The following CABLES2 variants were observed in gnomAD, a reference collection of about 807,000 sequenced individuals.
CABLES2 encodes the protein CDK5 and ABL1 enzyme substrate 2.
Under a neutral mutation model 44.8 loss-of-function variants are expected in CABLES2, and 35 were observed. That is an observed-to-expected ratio of 0.78 (90% CI 0.60 to 1.04). The LOEUF is 1.04. CABLES2 is among the 50% of genes least tolerant of loss of function. The pLI is 0.00. For missense variants in CABLES2, 566 were observed against 615.7 expected, an observed-to-expected ratio of 0.92 and a Z score of 0.85; for synonymous variants, 282 against 281.1, an observed-to-expected ratio of 1.00 and a Z score of -0.03.
chr20:62,392,803 C>T, intron 7 of CABLES2, 117 bp downstream of exon 7: 1 of 903,036 alleles, frequency 1.1e-6, no homozygotes, highest in Non-Finnish European at 1.8e-6. Flanking sequence ...CTGCTGCGAT[C>T]CGGGATGGGG....
In CABLES2 at chr20:62,392,489, C is replaced by T. The variant is rs770984242; in HGVS notation, c.991G>A (p.Val331Met). ...VLIFASYMTT[V>M]IEYVKPSDLK... ...TCTGAGGGCTTCACGTATTCTATCACTGTGGTCTGCAACAGAGAGTGGGCA... is the reference window on the plus strand; with the variant it reads ...TCTGAGGGCTTCACGTATTCTATCATTGTGGTCTGCAACAGAGAGTGGGCA... Residue 331 changes from valine to methionine, a missense_variant, in exon 8 of 10, where the codon GTG (valine) becomes ATG (methionine). Val to Met is a conservative substitution (Grantham distance 21, BLOSUM62 1). Coordinates refer to ENST00000279101, the MANE Select transcript of CABLES2 (RefSeq NM_031215.3). 21 of 1,613,444 alleles carry T rather than the reference C, an allele frequency of 1.3e-5. No homozygotes were observed. In the East Asian group the frequency reaches 4.5e-4, roughly 34 times the overall value.
At position 62,395,058 on chromosome 20, in the gene CABLES2, G is replaced by A. The variant is rs113051244; in HGVS notation, c.528-44C>T. ...AGGGGAGACGGGGCCGGGGAGCGGGGCTCAAGGTACTGCTGCTTCCAGAGC... is the reference window on the plus strand; with the variant it reads ...AGGGGAGACGGGGCCGGGGAGCGGGACTCAAGGTACTGCTGCTTCCAGAGC... On this transcript the variant is annotated intron_variant, in intron 3 of 9. Transcript: ENST00000279101. The A allele has an allele frequency of 1.8e-4, 269 of 1,454,090 alleles. 1 individual carries two copies. The African/African-American group carries it at 3.4e-3, about 18-fold the overall frequency. The allele number at this position is 1,454,090 out of a possible 1,614,324, so 90.1% of individuals were successfully genotyped here. A position where few individuals can be genotyped will look rare whatever the true frequency, so the allele number is the denominator to read the frequency against.
At chr20:62,394,335 G>A in intron 4 of CABLES2, 70 bp from the exon 5 acceptor site, 1 of 1,280,678 alleles carries the variant, frequency 7.8e-7, no homozygotes, top group Non-Finnish European at 1.1e-6. Context: ...CAGCCCACCT[G>A]TCCGCTGGCC....
In CABLES2 at chr20:62,407,255, C is replaced by T. The variant is rs1013772123; in HGVS notation, c.22G>A (p.Gly8Arg). 18 of 673,442 alleles carry T rather than the reference C, an allele frequency of 2.7e-5. No homozygotes were observed. In the Admixed American group the frequency reaches 7.2e-4, roughly 27 times the overall value. 41.7% of individuals were successfully genotyped at this position (673,442 alleles called of 1,614,324 possible). A position where few individuals can be genotyped will look rare whatever the true frequency, so the allele number is the denominator to read the frequency against. MAAAAAG[G>R]APGPAPGPAG... ...GGGCCGGGGGCCGGGCCCGGGGCTC[C>T]ACCGGCCGCGGCCGCGGCCATCCTC... Residue 8 changes from glycine to arginine, a missense_variant, in exon 1 of 10, where the codon GGA (glycine) becomes AGA (arginine). Gly to Arg is a moderately radical substitution (Grantham distance 125). This residue lies in a region of CABLES2 where 130 missense variants were observed against 79.4 expected (regional missense o/e 1.64). Transcript: ENST00000279101.
At chr20:62,400,628 G>A (rs982682618) in intron 1 of CABLES2, among the ~76,000 whole-genome samples, 7 of 152,206 alleles carry the variant, frequency 4.6e-5, no homozygotes, top group African/African-American at 1.7e-4. Context: ...ATTACCAGGG[G>A]ATGCCTGGGT....
intron 1 of CABLES2, among the ~76,000 whole-genome samples, chr20:62,401,475 G>A (rs912000966): frequency 1.4e-4 from 21 of 152,230 alleles, no homozygotes; most frequent in African/African-American, 5.1e-4. Flanking sequence ...TGGTGCCTCT[G>A]GAGGATGGGC....
chr20:62,394,905 C>T, intron 4 of CABLES2, 32 bp downstream of exon 4: 1 of 1,599,060 alleles, frequency 6.3e-7, no homozygotes, highest in Non-Finnish European at 8.5e-7. Context: ...CCTAGATGGA[C>T]ACCGCATGCG....
At chr20:62,406,891 T>C in intron 1 of CABLES2, 24 bp downstream of exon 1, 1 of 1,187,398 alleles carries the variant, frequency 8.4e-7, no homozygotes, top group Non-Finnish European at 1.0e-6. Flanking sequence ...CGTCCTGGGC[T>C]GACCTGGCCG....
chr20:62,389,275 C>T lies in CABLES2; in HGVS notation c.*1696G>A, dbSNP rs1569013623. 6.6e-6 allele frequency: 1 copy of T among 152,242 alleles called. No individual in the cohort carries two copies. Among genetic ancestry groups the T allele is most frequent in the Non-Finnish European group, 1.5e-5 (1 of 68,088 alleles). The allele number at this position is 152,242 out of a possible 1,614,324, so 9.4% of individuals were successfully genotyped here. A position where few individuals can be genotyped will look rare whatever the true frequency, so the allele number is the denominator to read the frequency against. ...TCCCCTCTGGGTGCATACTGGGTTC[C>T]AGGGGATGATCCTTGGCTTGAGGGC... On this transcript the variant is annotated 3_prime_UTR_variant, in exon 10 of 10. Transcript: ENST00000279101.
rs761468707 is a variant in CABLES2, at chr20:62,391,200, G to C, written c.1296+49C>G. 3 of 1,603,024 alleles carry C rather than the reference G, an allele frequency of 1.9e-6. No homozygotes were observed. The highest frequency in any genetic ancestry group is 3.3e-5 in the Admixed American group (2 of 59,870). Reference sequence around the variant, plus strand: ...CAGCCCCATCCCAGCAGTGGCCCTGGCTCGATGTCATGACCCTGCCTGCAG... The same window carrying C: ...CAGCCCCATCCCAGCAGTGGCCCTGCCTCGATGTCATGACCCTGCCTGCAG... On this transcript the variant is annotated intron_variant, in intron 9 of 9. Coordinates refer to ENST00000279101, the MANE Select transcript of CABLES2 (RefSeq NM_031215.3). The surrounding 1 kb of genome is among the most constrained non-coding windows in gnomAD (Gnocchi z 5.7).
chr20:62,398,146 T>C (rs1390717216), intron 1 of CABLES2, among the ~76,000 whole-genome samples: 2 of 141,184 alleles, frequency 1.4e-5, no homozygotes, highest in Non-Finnish European at 3.1e-5. Context: ...GTGATGGTGG[T>C]GGTGGTGGTG....
rs992092005 is a variant in CABLES2 at position 62,396,720 on chromosome 20, G to A, written c.363-128C>T. 3.2e-5 allele frequency: 30 copies of A among 942,844 alleles called. No homozygotes were observed. Among genetic ancestry groups the A allele is most frequent in the African/African-American group, 4.9e-5 (3 of 61,056 alleles). The allele number at this position is 942,844 out of a possible 1,614,324, so 58.4% of individuals were successfully genotyped here. Reference sequence around the variant, plus strand: ...CAGCCCAGCGGCGCACCCATGGGCCGAGGGGCTTCCAGAGCCCATGCAGAC... The same window carrying A: ...CAGCCCAGCGGCGCACCCATGGGCCAAGGGGCTTCCAGAGCCCATGCAGAC... On this transcript the variant is annotated intron_variant, in intron 1 of 9. Transcript: ENST00000279101. This position sits in a 1 kb window ranked among gnomAD's most constrained non-coding sequence, Gnocchi z 5.7.
intron 6 of CABLES2, among the ~76,000 whole-genome samples, chr20:62,393,231 G>A (rs1987953005): frequency 6.6e-6 from 1 of 152,258 alleles, no homozygotes; most frequent in African/African-American, 2.4e-5. Context: ...GTGGGTGGAT[G>A]CAGCTCCTCC....
chr20:62,393,485 G>A lies in CABLES2; in HGVS notation c.835C>T (p.His279Tyr), dbSNP rs772962793. The change falls in exon 6 of 10, where the codon CAT becomes TAT. Residue 279 changes from histidine (H) to tyrosine (Y), a missense_variant. Around this residue, in one of 2 missense-constraint regions of CABLES2, gnomAD observed 436 missense variants for 536.3 expected, o/e 0.81. Coordinates refer to ENST00000279101, the MANE Select transcript of CABLES2 (RefSeq NM_031215.3). ...GCCGACTTGGTGGGGGCAGGTTTAT[G>A]TCTTGACCCTGGCAGAGTCCGGGGG... ...SVPRTLPGSR[H>Y]KPAPTKSAPA... 25 of 1,613,184 alleles carry A rather than the reference G, an allele frequency of 1.5e-5. No individual in the cohort carries two copies. In the South Asian group the frequency reaches 2.5e-4, roughly 16 times the overall value.
At chr20:62,406,447 A>C (rs1254134527) in intron 1 of CABLES2, among the ~76,000 whole-genome samples, 2 of 150,694 alleles carry the variant, frequency 1.3e-5, no homozygotes, top group African/African-American at 2.4e-5. Flanking sequence ...TGAACCCTAA[A>C]ACCCATTTCA....
chr20:62,398,074 TGGTGGTGGTGGTG>T (rs1988081518), intron 1 of CABLES2, among the ~76,000 whole-genome samples: 1 of 39,228 alleles, frequency 2.5e-5, no homozygotes, highest in Non-Finnish European at 4.4e-5. Flanking sequence ...GTGGTGACGG[TGGTGGTGGTGGTG>T]ACGGTGGTGG....
intron 1 of CABLES2, among the ~76,000 whole-genome samples, chr20:62,398,182 T>TGAC (rs1331405818): frequency 2.2e-5 from 2 of 89,180 alleles, no homozygotes; most frequent in Non-Finnish European, 4.8e-5. Context: ...ATGGTGGTGG[T>TGAC]GGTGATGGTG....
chr20:62,392,888 C>T, intron 7 of CABLES2, 32 bp downstream of exon 7: 1 of 1,582,546 alleles, frequency 6.3e-7, no homozygotes, highest in Non-Finnish European at 8.7e-7. Context: ...TGTGCAGCTG[C>T]CTGCACCCAG....
At chr20:62,394,317 T>C in intron 4 of CABLES2, 52 bp from the exon 5 acceptor site, 1 of 1,477,566 alleles carries the variant, frequency 6.8e-7, no homozygotes. Flanking sequence ...ACTCAGGCTC[T>C]GGCAGCCCAG....
Sources: gnomAD v4.1 joint callset for allele counts (sites outside exome capture counted in the v4.1 genomes callset) on GRCh38, gnomAD v4.1.1 for gene constraint, gnomAD v4.1.1 regional missense constraint, Gnocchi (gnomAD v3.1) non-coding constraint, MANE v1.5 for transcripts, NCBI Gene and HGNC (gene_info 2026-07-23, HGNC 2026-07-21) for gene names.